Variants in PRSS12 observed in about 807,000 individuals in gnomAD.
The protein encoded by PRSS12 is serine protease 12, also known as neurotrypsin.
In PRSS12, 85 loss-of-function variants were observed where a neutral mutation model predicts 104.4. The ratio of observed to expected loss-of-function variants is 0.81; its 90% CI spans 0.68 to 0.98. The LOEUF (loss-of-function observed/expected upper bound fraction) is 0.98, where lower values mean the gene tolerates loss of function less well. Ranked by LOEUF, PRSS12 falls within the 50% of genes least tolerant of loss-of-function variation. The pLI is 0.00. For synonymous variants in PRSS12, 454 were observed against 425.2 expected, an observed-to-expected ratio of 1.07 and a Z score of -0.83; for missense variants, 1,141 against 1,139.2, an observed-to-expected ratio of 1.00 and a Z score of -0.02.
intron 7 of PRSS12, among the ~76,000 whole-genome samples, chr4:118,312,401 T>C (rs932420510): frequency 7.2e-5 from 11 of 151,928 alleles, no homozygotes; most frequent in South Asian, 2.1e-4. Flanking sequence ...TACACACAGA[T>C]AGATATATAA....
At chr4:118,318,908 A>G (rs894014227) in intron 4 of PRSS12, among the ~76,000 whole-genome samples, 1 of 152,244 alleles carries the variant, frequency 6.6e-6, no homozygotes, top group African/African-American at 2.4e-5. Context: ...TAAAATAAAC[A>G]TAACATAAAG....
intron 1 of PRSS12, 50 bp downstream of exon 1, chr4:118,352,169 C>T: frequency 6.2e-7 from 1 of 1,605,532 alleles, no homozygotes; most frequent in Non-Finnish European, 8.5e-7. Context: ...CCAAGCCTCA[C>T]TGGCTCCGAG....
chr4:118,299,689 T>C (rs192323787), intron 8 of PRSS12, among the ~76,000 whole-genome samples: 246 of 120,754 alleles, frequency 2.0e-3, no homozygotes, highest in African/African-American at 7.6e-3. Flanking sequence ...TCAAAAATAA[T>C]AAAATAAATA....
rs1743344208 is a variant in PRSS12 at position 118,299,703 on chromosome 4, TAAATA to T, written c.1632-770_1632-766del. Among the ~76,000 whole-genome samples the T allele has an allele frequency of 9.5e-5, 8 of 83,804 alleles. No individual in the cohort carries two copies. In the South Asian group the frequency reaches 2.4e-3, roughly 25 times the overall value. 55.0% of individuals were successfully genotyped at this position (83,804 alleles called of 152,430 possible). ...CTCAAAAATAATAAAATAAATAAAATAAATAAAATAAATAAAATAAAATAAAATAA... is the reference window on the plus strand; with the variant it reads ...CTCAAAAATAATAAAATAAATAAAATAAATAAATAAAATAAAATAAAATAA... On this transcript the variant is annotated intron_variant, in intron 8 of 12. Transcript: ENST00000296498.
chr4:118,333,019 T>C (rs752160499), intron 3 of PRSS12, among the ~76,000 whole-genome samples: 12 of 152,154 alleles, frequency 7.9e-5, no homozygotes, highest in African/African-American at 2.4e-4. Context: ...CAAAGGACCT[T>C]ACTCATGGTT....
intron 4 of PRSS12, among the ~76,000 whole-genome samples, chr4:118,324,410 T>A (rs17516430): frequency 6.6e-6 from 1 of 152,106 alleles, no homozygotes; most frequent in East Asian, 1.9e-4. Context: ...AACTGAAGGC[T>A]TTTTAATTCC....
intron 10 of PRSS12, 22 bp from the exon 11 acceptor site, chr4:118,295,083 C>A (rs754208404): frequency 1.2e-6 from 2 of 1,612,704 alleles, no homozygotes; most frequent in East Asian, 4.5e-5. Context: ...ATGAGCTACA[C>A]ATCAACGTCA....
At position 118,304,515 on chromosome 4, in the gene PRSS12, C is replaced by T. The variant is rs544058521; in HGVS notation, c.1631+3921G>A. Among the ~76,000 whole-genome samples, 6 of 152,012 alleles carry T rather than the reference C, an allele frequency of 3.9e-5. No homozygotes were observed. The East Asian group carries it at 1.2e-3, about 29-fold the overall frequency. Reference sequence around the variant, plus strand: ...ACTTAATTTTAGATCTCTATTAAAGCAGTGAGAATATACAATTTTTAAAAT... The same window carrying T: ...ACTTAATTTTAGATCTCTATTAAAGTAGTGAGAATATACAATTTTTAAAAT... On this transcript the variant is annotated intron_variant, in intron 8 of 12. Transcript: ENST00000296498.
At chr4:118,315,810 A>G (rs1472631772) in intron 6 of PRSS12, among the ~76,000 whole-genome samples, 2 of 152,252 alleles carry the variant, frequency 1.3e-5, no homozygotes, top group African/African-American at 4.8e-5. Flanking sequence ...AGCATTTGAC[A>G]CTAGACTTCT....
Position 118,281,963 on chromosome 4 carries a change from A to G in PRSS12, c.2601T>C (p.Pro867=). The change falls in exon 13 of 13, where the codon CCT becomes CCC. Residue 867 remains proline (P), a synonymous_variant. Transcript: ENST00000296498. ...ACAGTTTGGTGACACTTTTTATCCA[A>G]GGTACAAAGGCTGAGACTTTGGTAT... ...GVYTKVSAFV[P]WIKSVTKL is the part of the protein sequence containing the mutation. The G allele has an allele frequency of 7.0e-7, 1 of 1,418,508 alleles. No individual in the cohort carries two copies. Among genetic ancestry groups the G allele is most frequent in the Non-Finnish European group, 1.0e-6 (1 of 1,001,308 alleles). The allele number at this position is 1,418,508 out of a possible 1,614,324, so 87.9% of individuals were successfully genotyped here.
intron 1 of PRSS12, among the ~76,000 whole-genome samples, chr4:118,343,990 T>C (rs544512325): frequency 3.5e-4 from 54 of 152,210 alleles, no homozygotes; most frequent in Admixed American, 2.0e-4. Context: ...TCTTGTCTAT[T>C]ATTGAACTTT....
chr4:118,284,841 C>T (rs978659624), intron 11 of PRSS12, among the ~76,000 whole-genome samples: 6 of 152,142 alleles, frequency 3.9e-5, no homozygotes, highest in African/African-American at 9.7e-5. Flanking sequence ...TGGGGAAGCA[C>T]GCATGTAACA....
At chr4:118,323,451 T>C (rs192299603) in intron 4 of PRSS12, among the ~76,000 whole-genome samples, 3 of 144,180 alleles carry the variant, frequency 2.1e-5, no homozygotes, top group East Asian at 4.1e-4. Flanking sequence ...GGCTTAAATA[T>C]AGGTGGAAAA....
chr4:118,306,910 T>C (rs1300334507), intron 8 of PRSS12, among the ~76,000 whole-genome samples: 1 of 152,164 alleles, frequency 6.6e-6, no homozygotes, highest in African/African-American at 2.4e-5. Flanking sequence ...TCTTCCCCTT[T>C]GTATTTCCAA....
chr4:118,342,034 G>C (rs1227627580), intron 1 of PRSS12, among the ~76,000 whole-genome samples: 3 of 152,216 alleles, frequency 2.0e-5, no homozygotes, highest in Non-Finnish European at 2.9e-5. Flanking sequence ...GAACAGGAGA[G>C]AAGTGGCTTT....
intron 1 of PRSS12, among the ~76,000 whole-genome samples, chr4:118,351,560 T>C (rs1021694965): frequency 9.2e-5 from 14 of 152,150 alleles, no homozygotes; most frequent in African/African-American, 3.4e-4. Flanking sequence ...TGTATAACTA[T>C]ATTAAGTTGC....
chr4:118,352,220 G>C lies in PRSS12; in HGVS notation c.501C>G (p.His167Gln). 1 of 1,611,802 alleles carries C rather than the reference G, an allele frequency of 6.2e-7. No homozygotes were observed. Among genetic ancestry groups the C allele is most frequent in the Non-Finnish European group, 8.5e-7 (1 of 1,179,686 alleles). Residue 167 changes from histidine (H) to glutamine (Q), a missense_variant and splice_region_variant, in exon 1 of 13, where the codon CAC (histidine) becomes CAG (glutamine). Coordinates refer to ENST00000296498, the MANE Select transcript of PRSS12 (RefSeq NM_003619.4). Reference protein sequence around the residue: ...KVDWGYCDCRHGSVRLRGGKN... With the variant: ...KVDWGYCDCRQGSVRLRGGKN... ...CGCGGCCGCCCCGAGGCCACTAACC[G>C]TGTCTGCAGTCGCAGTAGCCCCAGT...
At chr4:118,308,647 A>C (rs1054598392) in intron 7 of PRSS12, 70 bp from the exon 8 acceptor site, 7 of 1,558,898 alleles carry the variant, frequency 4.5e-6, no homozygotes, top group Non-Finnish European at 6.2e-6. Context: ...GAGCGACTCT[A>C]CAAAACACAA....
intron 1 of PRSS12, among the ~76,000 whole-genome samples, chr4:118,341,314 A>G (rs1313690243): frequency 6.6e-6 from 1 of 152,116 alleles, no homozygotes; most frequent in Non-Finnish European, 1.5e-5. Context: ...AGTAGTTTTC[A>G]TTTGTTTTCT....
Sources: allele counts gnomAD v4.1 joint callset (sites outside exome capture counted in the v4.1 genomes callset), GRCh38; gene constraint gnomAD v4.1.1; transcripts MANE v1.5; gene names NCBI Gene and HGNC (gene_info 2026-07-23, HGNC 2026-07-21).